Variants in L3MBTL3 observed in about 807,000 individuals in gnomAD.
The protein encoded by L3MBTL3 is lethal(3)malignant brain tumor-like protein 3.
A neutral mutation model predicts 102.3 loss-of-function variants in L3MBTL3; 27 were observed. The ratio of observed to expected loss-of-function variants is 0.26; its 90% confidence interval spans 0.19 to 0.36. The LOEUF (loss-of-function observed/expected upper bound fraction) is 0.36. L3MBTL3 is among the 10% of genes least tolerant of loss of function. The probability of loss-of-function intolerance (pLI) is 1.00; values close to 1 mark genes in which losing one functional copy is unlikely to be tolerated. For synonymous variants in L3MBTL3, 340 were observed against 320.9 expected (o/e 1.06, Z -0.64); for missense variants, 798 against 955.3 (o/e 0.84, Z 2.17).
intron 2 of L3MBTL3, among the ~76,000 whole-genome samples, chr6:130,040,454 A>G (rs1463876357): frequency 6.6e-6 from 1 of 152,088 alleles, no homozygotes; most frequent in Non-Finnish European, 1.5e-5. Context: ...AGTTAGGCAG[A>G]TCTCCCAAGT....
At chr6:130,131,959 A>G (rs1175216556) in intron 20 of L3MBTL3, among the ~76,000 whole-genome samples, 4 of 152,202 alleles carry the variant, frequency 2.6e-5, no homozygotes, top group Non-Finnish European at 5.9e-5. Flanking sequence ...CCATCTGGGA[A>G]TGCAGTTGTC....
At chr6:130,077,833 C>A (rs542036864) in intron 13 of L3MBTL3, among the ~76,000 whole-genome samples, 58 of 152,240 alleles carry the variant, frequency 3.8e-4, no homozygotes, top group African/African-American at 1.4e-3. Context: ...GACTCCTTGG[C>A]ATCTTTTAGA....
At chr6:130,060,236 C>T in intron 10 of L3MBTL3, 96 bp downstream of exon 10, 2 of 690,732 alleles carry the variant, frequency 2.9e-6, no homozygotes, top group South Asian at 4.0e-5. Flanking sequence ...TCATGCCAGG[C>T]ATGGTGCTTA....
intron 20 of L3MBTL3, among the ~76,000 whole-genome samples, chr6:130,129,976 T>C (rs999444724): frequency 6.6e-6 from 1 of 152,248 alleles, no homozygotes; most frequent in African/African-American, 2.4e-5. Flanking sequence ...TTATTCCTTT[T>C]GGATTAAAAT....
At chr6:130,134,379 A>C (rs1191001614) in intron 22 of L3MBTL3, among the ~76,000 whole-genome samples, 4 of 152,208 alleles carry the variant, frequency 2.6e-5, no homozygotes, top group Non-Finnish European at 1.5e-5. Context: ...AGTCATATAC[A>C]TTCCTCAATA....
intron 7 of L3MBTL3, among the ~76,000 whole-genome samples, chr6:130,054,349 C>G (rs1400299376): frequency 6.6e-6 from 1 of 152,072 alleles, no homozygotes; most frequent in Non-Finnish European, 1.5e-5. Context: ...TCAGGGGAAG[C>G]CTCTGGAAAG....
At chr6:130,071,810 GGTTT>G (rs1232177800) in intron 13 of L3MBTL3, among the ~76,000 whole-genome samples, 1 of 152,020 alleles carries the variant, frequency 6.6e-6, no homozygotes, top group Non-Finnish European at 1.5e-5. Flanking sequence ...ATATCAAGGA[GGTTT>G]GTTTTTTGAC....
chr6:130,125,283 G>A (rs992287387), intron 20 of L3MBTL3, among the ~76,000 whole-genome samples: 2 of 152,184 alleles, frequency 1.3e-5, no homozygotes, highest in Non-Finnish European at 2.9e-5. Context: ...GCTATTTACT[G>A]CCTTTAACAT....
At chr6:130,034,396 C>T (rs929420695) in intron 2 of L3MBTL3, among the ~76,000 whole-genome samples, 9 of 152,202 alleles carry the variant, frequency 5.9e-5, no homozygotes, top group African/African-American at 2.2e-4. Context: ...ATCTACTTAT[C>T]TCACTTGATG....
At chr6:130,089,996 A>AAAGCC (rs1783940304) in intron 16 of L3MBTL3, among the ~76,000 whole-genome samples, 1 of 152,158 alleles carries the variant, frequency 6.6e-6, no homozygotes, top group African/African-American at 2.4e-5. Flanking sequence ...AGCCTGGTAC[A>AAAGCC]AAGCTTTCAT....
chr6:130,080,961 T>G (rs1339001912), intron 14 of L3MBTL3, among the ~76,000 whole-genome samples: 1 of 152,212 alleles, frequency 6.6e-6, no homozygotes, highest in Admixed American at 6.5e-5. Context: ...CTGATCTGTC[T>G]GAAAAGAAGG....
chr6:130,068,474 C>T, intron 12 of L3MBTL3, 53 bp downstream of exon 12: 1 of 902,092 alleles, frequency 1.1e-6, no homozygotes, highest in South Asian at 1.4e-5. Context: ...TTTTGAGTGT[C>T]TCATAGGATC....
Position 130,125,229 on chromosome 6 carries a change from T to C in L3MBTL3, c.1966+4271T>C, listed in dbSNP as rs575493761. Among the ~76,000 whole-genome samples, 7 of 152,310 alleles carry C rather than the reference T, an allele frequency of 4.6e-5. No homozygotes were observed. The East Asian group carries it at 1.4e-3, about 29-fold the overall frequency. On this transcript the variant is annotated intron_variant, in intron 20 of 22. Coordinates refer to ENST00000361794, the MANE Select transcript of L3MBTL3 (RefSeq NM_032438.4). ...ATTTTGTGATGTTGTCAACATGTTT[T>C]TCAAGTTGAAATAGCTCACTCAGTC...
At chr6:130,126,287 G>C (rs1786604108) in intron 20 of L3MBTL3, among the ~76,000 whole-genome samples, 1 of 150,932 alleles carries the variant, frequency 6.6e-6, no homozygotes, top group Non-Finnish European at 1.5e-5. Context: ...TCTCCTGGGT[G>C]GCTCATGTGT....
intron 19 of L3MBTL3, among the ~76,000 whole-genome samples, chr6:130,111,271 T>C (rs1430766316): frequency 2.0e-5 from 3 of 152,188 alleles, no homozygotes; most frequent in Non-Finnish European, 4.4e-5. Flanking sequence ...CTCTGGAATT[T>C]CTTGTAAATT....
At chr6:130,078,518 A>G in intron 13 of L3MBTL3, 40 bp from the exon 14 acceptor site, 1 of 1,374,164 alleles carries the variant, frequency 7.3e-7, no homozygotes, top group Non-Finnish European at 1.0e-6. Context: ...TTGTGAGTTT[A>G]TCCTGATAAT....
chr6:130,075,190 G>C (rs1169558896), intron 13 of L3MBTL3, among the ~76,000 whole-genome samples: 5 of 152,118 alleles, frequency 3.3e-5, no homozygotes, highest in African/African-American at 1.2e-4. Context: ...AAACACCACT[G>C]TCTTGAGTGC....
chr6:130,029,791 G>A (rs1779596039), intron 2 of L3MBTL3, among the ~76,000 whole-genome samples: 1 of 152,084 alleles, frequency 6.6e-6, no homozygotes, highest in South Asian at 2.1e-4. Flanking sequence ...GAGGGCATGT[G>A]GACCCTGGAG....
chr6:130,068,440 C>A lies in L3MBTL3; in HGVS notation c.1092+19C>A. ...GAATATAGTAAGTACATACGAAACACGTTTTCTTTCAAAGGAAGAAGTTTT... is the reference window on the plus strand; with the variant it reads ...GAATATAGTAAGTACATACGAAACAAGTTTTCTTTCAAAGGAAGAAGTTTT... On this transcript the variant is annotated intron_variant, in intron 12 of 22. Transcript: ENST00000361794. The A allele has an allele frequency of 7.3e-7, 1 of 1,379,228 alleles. No individual in the cohort carries two copies. Among genetic ancestry groups the A allele is most frequent in the Non-Finnish European group, 1.0e-6 (1 of 968,364 alleles). 85.4% of individuals were successfully genotyped at this position (1,379,228 alleles called of 1,614,324 possible). A position where few individuals can be genotyped will look rare whatever the true frequency, so the allele number is the denominator to read the frequency against.
Sources: allele counts gnomAD v4.1 joint callset (sites outside exome capture counted in the v4.1 genomes callset), GRCh38; gene constraint gnomAD v4.1.1; transcripts MANE v1.5; gene names NCBI Gene and HGNC (gene_info 2026-07-23, HGNC 2026-07-21).